Variants in ADGRL3 observed in about 807,000 individuals in gnomAD.
ADGRL3 encodes the protein adhesion G protein-coupled receptor L3.
A neutral mutation model predicts 153.5 loss-of-function variants in ADGRL3; 62 were observed. The observed-to-expected ratio is 0.40, with a 90% CI of 0.33 to 0.50. The LOEUF (loss-of-function observed/expected upper bound fraction) is 0.50. Among genes scored for constraint, ADGRL3 ranks in the 20% least tolerant of loss-of-function variants. The pLI, the probability that ADGRL3 is intolerant of heterozygous loss-of-function variation, is 0.47. For missense variants in ADGRL3, 1,641 were observed against 1,859.4 expected (o/e 0.88, Z 2.16); for synonymous variants, 710 against 672.5 (o/e 1.06, Z -0.86).
intron 4 of ADGRL3, among the ~76,000 whole-genome samples, chr4:61,563,167 C>G (rs2098802573): frequency 6.6e-6 from 1 of 152,080 alleles, no homozygotes; most frequent in African/African-American, 2.4e-5. Flanking sequence ...GTTGTGTTAG[C>G]AGGCATGAAA....
Position 61,841,152 on chromosome 4 carries a change from C to G in ADGRL3, c.1480+27263C>G, listed in dbSNP as rs903141760. Among the ~76,000 whole-genome samples, 51 of 152,194 alleles carry G rather than the reference C, an allele frequency of 3.4e-4. 2 individuals are homozygous for G. Among genetic ancestry groups the G allele is most frequent in the Non-Finnish European group, 2.9e-5 (2 of 68,026 alleles). The stretch of plus-strand genomic sequence containing the variant: ...TTCTTCGTCTCTTGCCATCCCTACT[C>G]TACCCTCTCCTCTCTTTCATATTTT... On this transcript the variant is annotated intron_variant, in intron 9 of 26. Coordinates refer to ENST00000683033, the MANE Select transcript of ADGRL3 (RefSeq NM_001387552.1).
chr4:61,581,442 G>A (rs1001396452), intron 4 of ADGRL3, among the ~76,000 whole-genome samples: 5 of 152,082 alleles, frequency 3.3e-5, no homozygotes, highest in Middle Eastern at 3.4e-3. Flanking sequence ...ATCAAAATGC[G>A]CATGCCCTCC....
chr4:61,789,533 A>G (rs2097316777), intron 8 of ADGRL3, among the ~76,000 whole-genome samples: 1 of 152,168 alleles, frequency 6.6e-6, no homozygotes, highest in African/African-American at 2.4e-5. Flanking sequence ...TAAAATACAC[A>G]ATAAAGTTCC....
At chr4:61,272,237 C>A (rs1283947190) in intron 1 of ADGRL3, among the ~76,000 whole-genome samples, 1 of 151,684 alleles carries the variant, frequency 6.6e-6, no homozygotes, top group African/African-American at 2.4e-5. Flanking sequence ...TTTCATGATA[C>A]TAATTTTTAA....
intron 4 of ADGRL3, among the ~76,000 whole-genome samples, chr4:61,544,214 C>T (rs1442916385): frequency 6.6e-6 from 1 of 152,174 alleles, no homozygotes; most frequent in Non-Finnish European, 1.5e-5. Flanking sequence ...GCTCCCCTTT[C>T]TTCATAGCTG....
chr4:61,844,575 A>AAAAAAATATATATATATAT (rs1554045137), intron 9 of ADGRL3, among the ~76,000 whole-genome samples: 2 of 18,108 alleles, frequency 1.1e-4, no homozygotes, highest in African/African-American at 5.2e-4. Flanking sequence ...AAAAAAAAAA[A>AAAAAAATATATATATATAT]ATATATATAT....
At chr4:61,241,398 G>A (rs974174979) in intron 1 of ADGRL3, among the ~76,000 whole-genome samples, 3 of 151,834 alleles carry the variant, frequency 2.0e-5, no homozygotes, top group African/African-American at 7.2e-5. Flanking sequence ...TCAGGAAATT[G>A]GGCACCATGT....
Position 61,733,401 on chromosome 4 carries a change from A to G in ADGRL3, c.1246A>G (p.Ser416Gly), listed in dbSNP as rs1449173299. 2 of 1,613,706 alleles carry G rather than the reference A, an allele frequency of 1.2e-6. No individual in the cohort carries two copies. The highest frequency in any genetic ancestry group is 1.3e-5 in the African/African-American group (1 of 74,936). Residue 416 changes from serine to glycine, a missense_variant, in exon 8 of 27, where the codon AGC becomes GGC. Physicochemically the swap from Ser to Gly is moderately conservative, Grantham distance 56 (BLOSUM62 0). Coordinates refer to ENST00000683033, the MANE Select transcript of ADGRL3 (RefSeq NM_001387552.1). ...KIDYIYNTDQSKDSLVDVPFP... is the reference protein window; with the variant it reads ...KIDYIYNTDQGKDSLVDVPFP... ...TGACTACATTTACAACACTGACCAA[A>G]GCAAGGATAGTTTGGTGGATGTACC...
At chr4:61,871,899 C>G (rs568547011) in intron 9 of ADGRL3, among the ~76,000 whole-genome samples, 154 of 152,252 alleles carry the variant, frequency 1.0e-3, no homozygotes, top group African/African-American at 3.6e-3. Flanking sequence ...TGCCTCATTG[C>G]CTTCAAATGT....
intron 2 of ADGRL3, among the ~76,000 whole-genome samples, chr4:61,409,780 G>C (rs903720636): frequency 6.6e-6 from 1 of 151,768 alleles, no homozygotes; most frequent in African/African-American, 2.4e-5. Context: ...GATTTGTAAG[G>C]TTAATCCAAA....
chr4:61,775,678 T>C, intron 8 of ADGRL3: 1 of 1,499,248 alleles, frequency 6.7e-7, no homozygotes, highest in Non-Finnish European at 9.2e-7. Context: ...CATCACAGGC[T>C]CATCACAGTT....
At chr4:62,051,467 A>G (rs1734174395) in intron 25 of ADGRL3, among the ~76,000 whole-genome samples, 1 of 151,436 alleles carries the variant, frequency 6.6e-6, no homozygotes, top group South Asian at 2.1e-4. Context: ...AATCCAGGGC[A>G]AAGGTCCTTG....
At position 62,070,426 on chromosome 4, in the gene ADGRL3, T is replaced by C; in HGVS notation, c.4150T>C (p.Phe1384Leu). Residue 1384 changes from phenylalanine to leucine, a missense_variant, in exon 27 of 27, where the codon TTT (phenylalanine) becomes CTT (leucine). This residue lies in a region of ADGRL3 where 517 missense variants were observed against 555.0 expected (regional missense o/e 0.93). Transcript: ENST00000683033. ...CATTGTCCTGGATGATGCCACCTCG[T>C]TTAACCACGAGGAGAGTTTGGGCCT... ...DAIVLDDATSFNHEESLGLEL... is the reference protein window; with the variant it reads ...DAIVLDDATSLNHEESLGLEL... 1 of 1,551,376 alleles carries C rather than the reference T, an allele frequency of 6.4e-7. No individual in the cohort carries two copies. The highest frequency in any genetic ancestry group is 8.7e-7 in the Non-Finnish European group (1 of 1,146,874).
intron 4 of ADGRL3, among the ~76,000 whole-genome samples, chr4:61,520,708 G>A (rs552760577): frequency 7.8e-6 from 1 of 127,838 alleles, no homozygotes; most frequent in South Asian, 2.7e-4. Context: ...CTGTCTGAGG[G>A]GGAGTACTAA....
At chr4:62,022,988 T>C (rs1289239914) in intron 21 of ADGRL3, among the ~76,000 whole-genome samples, 1 of 151,514 alleles carries the variant, frequency 6.6e-6, no homozygotes, top group Admixed American at 6.6e-5. Context: ...TTTAAGGCTA[T>C]AGTTGCCATA....
chr4:61,366,629 G>A (rs1457192125), intron 1 of ADGRL3, among the ~76,000 whole-genome samples: 1 of 152,152 alleles, frequency 6.6e-6, no homozygotes, highest in East Asian at 1.9e-4. Flanking sequence ...CAGTGAAGTA[G>A]AGACAGATAT....
chr4:61,817,665 A>G (rs1385420853), intron 9 of ADGRL3, among the ~76,000 whole-genome samples: 1 of 152,160 alleles, frequency 6.6e-6, no homozygotes, highest in Non-Finnish European at 1.5e-5. Context: ...GAGACTGGGT[A>G]ATTTATAAAA....
At chr4:61,752,336 A>G (rs748798440) in intron 8 of ADGRL3, among the ~76,000 whole-genome samples, 1 of 152,206 alleles carries the variant, frequency 6.6e-6, no homozygotes, top group Non-Finnish European at 1.5e-5. Flanking sequence ...TATATTGCCT[A>G]TTACTAGCCT....
At chr4:61,720,194 ATTC>A (rs1269162831) in intron 6 of ADGRL3, among the ~76,000 whole-genome samples, 1 of 149,156 alleles carries the variant, frequency 6.7e-6, no homozygotes, top group Non-Finnish European at 1.5e-5. Flanking sequence ...GGTTGAAGGG[ATTC>A]TTCTGCCTCA....
Sources: allele counts gnomAD v4.1 joint callset (sites outside exome capture counted in the v4.1 genomes callset), GRCh38; gene constraint gnomAD v4.1.1; regional missense constraint gnomAD v4.1.1; transcripts MANE v1.5; gene names NCBI Gene and HGNC (gene_info 2026-07-23, HGNC 2026-07-21).